The following ARL5B variants were observed in gnomAD, a reference collection of about 807,000 sequenced individuals.
The protein encoded by ARL5B is ADP-ribosylation factor-like protein 5B.
ARL5B carries 10 observed loss-of-function variants against 26.9 expected under a neutral mutation model. The observed-to-expected ratio is 0.37, with a 90% CI of 0.23 to 0.63. The LOEUF (loss-of-function observed/expected upper bound fraction) is 0.63. ARL5B is among the 30% of genes least tolerant of loss of function. The pLI, the probability that ARL5B is intolerant of heterozygous loss-of-function variation, is 0.62. For synonymous variants in ARL5B, 87 were observed against 70.4 expected (o/e 1.24, Z -1.18); for missense variants, 167 against 213.9 (o/e 0.78, Z 1.37).
At position 18,676,687 on chromosome 10, in the gene ARL5B, A is replaced by G. The variant is rs1418619624; in HGVS notation, c.*1471A>G. ...GATACAAAGTTCATAATATCAAAAT[A>G]TGTGTTCAAAATTGGTATTTTAATT... On this transcript the variant is annotated 3_prime_UTR_variant, in exon 6 of 6. Transcript: ENST00000377275. 1 of 152,074 alleles carries G rather than the reference A, an allele frequency of 6.6e-6. No homozygotes were observed. The highest frequency in any genetic ancestry group is 1.5e-5 in the Non-Finnish European group (1 of 67,900). The allele number at this position is 152,074 out of a possible 1,614,324, so 9.4% of individuals were successfully genotyped here.
At chr10:18,660,018 CTA>C in intron 1 of ARL5B, 4 of 868,126 alleles carry the variant, frequency 4.6e-6, no homozygotes, top group South Asian at 5.3e-5. Context: ...GTGCTTGTGT[CTA>C]TGTGTATCCC....
At position 18,680,112 on chromosome 10, in the gene ARL5B, T is replaced by C. The variant is rs2131656434; in HGVS notation, c.*4896T>C. 6.6e-6 allele frequency: 1 copy of C among 152,152 alleles called. No individual in the cohort carries two copies. The highest frequency in any genetic ancestry group is 2.1e-4 in the South Asian group (1 of 4,824). 9.4% of individuals were successfully genotyped at this position (152,152 alleles called of 1,614,324 possible). A position where few individuals can be genotyped will look rare whatever the true frequency, so the allele number is the denominator to read the frequency against. On this transcript the variant is annotated 3_prime_UTR_variant, in exon 6 of 6. Transcript: ENST00000377275. ...AAACAAAGTTTTAAAAGAATGGATA[T>C]GTTTTCTTGCACAACTTGTAAAATT...
intron 2 of ARL5B, among the ~76,000 whole-genome samples, chr10:18,668,273 A>G (rs539034652): frequency 6.6e-6 from 1 of 152,168 alleles, no homozygotes; most frequent in East Asian, 1.9e-4. Context: ...GCAAATTCAC[A>G]CCACACTGTT....
At chr10:18,668,362 T>A (rs542718285) in intron 2 of ARL5B, among the ~76,000 whole-genome samples, 168 bp from the exon 3 acceptor site, 1 of 152,098 alleles carries the variant, frequency 6.6e-6, no homozygotes, top group Non-Finnish European at 1.5e-5. Context: ...CTTCTGGAGT[T>A]GTTATCTAGA....
intron 2 of ARL5B, among the ~76,000 whole-genome samples, chr10:18,667,393 T>C (rs2131641171): frequency 6.6e-6 from 1 of 152,372 alleles, no homozygotes; most frequent in African/African-American, 2.4e-5. Context: ...ACTTAAAGTT[T>C]GTTGTTTCAG....
rs2059915471 is a variant in ARL5B, at chr10:18,677,518, CT to C, written c.*2307del. The C allele has an allele frequency of 2.0e-5, 3 of 152,252 alleles. No individual in the cohort carries two copies. In the South Asian group the frequency reaches 6.2e-4, roughly 32 times the overall value. 9.4% of individuals were successfully genotyped at this position (152,252 alleles called of 1,614,324 possible). A position where few individuals can be genotyped will look rare whatever the true frequency, so the allele number is the denominator to read the frequency against. ...TCATGATTAGGAAATTCATGTAAGACTTTTTAAGAGTATTTTTTAGGTTTTC... is the reference window on the plus strand; with the variant it reads ...TCATGATTAGGAAATTCATGTAAGACTTTTAAGAGTATTTTTTAGGTTTTC... On this transcript the variant is annotated 3_prime_UTR_variant, in exon 6 of 6. Transcript: ENST00000377275.
rs753830930 is a variant in ARL5B, at chr10:18,676,580, T to A, written c.*1364T>A. 1.4e-4 allele frequency: 21 copies of A among 152,150 alleles called. No homozygotes were observed. The highest frequency in any genetic ancestry group is 3.4e-3 in the Middle Eastern group (1 of 294). 9.4% of individuals were successfully genotyped at this position (152,150 alleles called of 1,614,324 possible). A position where few individuals can be genotyped will look rare whatever the true frequency, so the allele number is the denominator to read the frequency against. On this transcript the variant is annotated 3_prime_UTR_variant, in exon 6 of 6. Transcript: ENST00000377275. The stretch of plus-strand genomic sequence containing the variant: ...CGATCCTGTTTATTCAAATGTGTGA[T>A]TTTGCTGAAATGAAAGGGATAAAAT...
intron 5 of ARL5B, among the ~76,000 whole-genome samples, chr10:18,674,497 T>C (rs1168241038): frequency 6.6e-6 from 1 of 152,188 alleles, no homozygotes; most frequent in African/African-American, 2.4e-5. Flanking sequence ...TGCAAGGACT[T>C]AAACCTGAGC....
rs1240972425 is a variant in ARL5B at position 18,681,242 on chromosome 10, A to G, written c.*6026A>G. On this transcript the variant is annotated 3_prime_UTR_variant, in exon 6 of 6. Transcript: ENST00000377275. ...AACAAATGTGTTCCATTGGTCCAAT[A>G]TATAAGCATTAACAACAACAACAAA... 6.6e-6 allele frequency: 1 copy of G among 152,230 alleles called. No individual in the cohort carries two copies. Among genetic ancestry groups the G allele is most frequent in the East Asian group, 1.9e-4 (1 of 5,206 alleles). The allele number at this position is 152,230 out of a possible 1,614,324, so 9.4% of individuals were successfully genotyped here.
intron 2 of ARL5B, among the ~76,000 whole-genome samples, chr10:18,667,707 A>G (rs2059867709): frequency 6.6e-6 from 1 of 151,724 alleles, no homozygotes; most frequent in Non-Finnish European, 1.5e-5. Flanking sequence ...ATATATATAT[A>G]TATATATACA....
intron 1 of ARL5B, chr10:18,659,967 C>T: frequency 1.0e-6 from 1 of 982,098 alleles, no homozygotes; most frequent in Non-Finnish European, 1.2e-6. Context: ...GCTAATGATG[C>T]CAGGAGGCGT....
chr10:18,667,714 TACACACACACACAAAC>T (rs1311367538), intron 2 of ARL5B, among the ~76,000 whole-genome samples: 2 of 149,204 alleles, frequency 1.3e-5, no homozygotes, highest in Non-Finnish European at 3.0e-5. Context: ...TATATATATA[TACACACACACACAAAC>T]ACACACACAC....
At chr10:18,675,023 T>C (rs2059904267) in intron 5 of ARL5B, 145 bp from the exon 6 acceptor site, 3 of 613,650 alleles carry the variant, frequency 4.9e-6, no homozygotes, top group Non-Finnish European at 5.6e-6. Flanking sequence ...ATTTCACTTA[T>C]TATAGTGTGA....
At chr10:18,673,008 G>A (rs752351473) in intron 4 of ARL5B, among the ~76,000 whole-genome samples, 1 of 151,998 alleles carries the variant, frequency 6.6e-6, no homozygotes, top group African/African-American at 2.4e-5. Context: ...GAAAACTTAA[G>A]GGTCTTTTCC....
intron 3 of ARL5B, among the ~76,000 whole-genome samples, chr10:18,671,254 C>A (rs1247488003): frequency 6.6e-6 from 1 of 151,418 alleles, no homozygotes; most frequent in East Asian, 2.0e-4. Context: ...AGCAGTGCAG[C>A]CTCCGCCTCC....
Position 18,671,415 on chromosome 10 carries a change from C to G in ARL5B, c.256-1207C>G, listed in dbSNP as rs561858543. Among the ~76,000 whole-genome samples the G allele has an allele frequency of 1.4e-3, 210 of 152,152 alleles. 1 individual carries two copies. The highest frequency in any genetic ancestry group is 4.9e-3 in the African/African-American group (203 of 41,506). On this transcript the variant is annotated intron_variant, in intron 3 of 5. Transcript: ENST00000377275. ...TTGAACTGTCCTCAAGTGATATGCC[C>G]ACCTCGGCCTACCAAAGTGCTGGGA...
At chr10:18,668,410 T>G in intron 2 of ARL5B, 120 bp from the exon 3 acceptor site, 1 of 1,021,064 alleles carries the variant, frequency 9.8e-7, no homozygotes, top group Non-Finnish European at 1.4e-6. Flanking sequence ...TTTATAATTT[T>G]CATGCTAATG....
chr10:18,673,623 G>A (rs1471687423), intron 4 of ARL5B, among the ~76,000 whole-genome samples: 1 of 152,074 alleles, frequency 6.6e-6, no homozygotes, highest in Non-Finnish European at 1.5e-5. Context: ...AGACTAGTAA[G>A]TAATAAGTAT....
intron 3 of ARL5B, 69 bp downstream of exon 3, chr10:18,668,746 G>T (rs2059873116): frequency 2.0e-6 from 3 of 1,474,612 alleles, no homozygotes; most frequent in Non-Finnish European, 1.8e-6. Context: ...TAATTAGGCT[G>T]CACCTGGGCG....
Sources: gnomAD v4.1 joint callset for allele counts (sites outside exome capture counted in the v4.1 genomes callset) on GRCh38, gnomAD v4.1.1 for gene constraint, MANE v1.5 for transcripts, NCBI Gene and HGNC (gene_info 2026-07-23, HGNC 2026-07-21) for gene names.